The following LVRN variants were observed in gnomAD, a reference collection of about 807,000 sequenced individuals.
LVRN encodes the protein laeverin, also known as aminopeptidase Q.
In LVRN, 99 loss-of-function variants were observed where a neutral mutation model predicts 111.4. That is an observed-to-expected ratio of 0.89 (90% confidence interval 0.76 to 1.05). The LOEUF is 1.05. Ranked by LOEUF, LVRN falls within the 50% of genes least tolerant of loss-of-function variation. The pLI is 0.00. For synonymous variants in LVRN, 488 were observed against 449.5 expected (o/e 1.09, Z -1.08); for missense variants, 1,414 against 1,206.8 (o/e 1.17, Z -2.54).
At chr5:116,004,278 A>T (rs1340952797) in intron 12 of LVRN, among the ~76,000 whole-genome samples, 1 of 152,260 alleles carries the variant, frequency 6.6e-6, no homozygotes, top group Non-Finnish European at 1.5e-5. Context: ...AATGTTGGCC[A>T]GCTCTAATCA....
chr5:115,972,716 T>G (rs1394025567), intron 1 of LVRN, among the ~76,000 whole-genome samples: 1 of 152,066 alleles, frequency 6.6e-6, no homozygotes, highest in Admixed American at 6.5e-5. Flanking sequence ...TTATTAATTA[T>G]GATTTTTCCT....
chr5:116,019,188 C>T (rs973761034), intron 18 of LVRN, among the ~76,000 whole-genome samples: 6 of 152,080 alleles, frequency 3.9e-5, no homozygotes, highest in Non-Finnish European at 4.4e-5. Context: ...AGTAACACAG[C>T]GACAAGTATT....
In LVRN at chr5:116,022,231, A is replaced by G. The variant is rs1184935367; in HGVS notation, c.2757-160A>G. ...TTCCTTAGTGTTAATAGGATTCTCT[A>G]TTAAAAGATGAAGCTAAACTAGTTC... On this transcript the variant is annotated intron_variant, in intron 18 of 19. Transcript: ENST00000357872. 1.6e-5 allele frequency: 9 copies of G among 567,228 alleles called. No individual in the cohort carries two copies. The East Asian group carries it at 2.9e-4, about 18-fold the overall frequency. The allele number at this position is 567,228 out of a possible 1,614,324, so 35.1% of individuals were successfully genotyped here.
intron 18 of LVRN, chr5:116,021,006 G>C (rs1398687250): frequency 1.3e-5 from 2 of 152,200 alleles, no homozygotes; most frequent in Admixed American, 6.5e-5. Context: ...ATTTGAAAGA[G>C]ATTGCTCTCT....
intron 19 of LVRN, among the ~76,000 whole-genome samples, chr5:116,022,799 A>G (rs998737729): frequency 6.6e-6 from 1 of 152,148 alleles, no homozygotes; most frequent in Non-Finnish European, 1.5e-5. Context: ...AGCTTTTCAT[A>G]GCTTTTCAAA....
chr5:116,004,700 A>G (rs978496299), intron 12 of LVRN, among the ~76,000 whole-genome samples: 1 of 152,176 alleles, frequency 6.6e-6, no homozygotes, highest in South Asian at 2.1e-4. Context: ...CCTAACAGAA[A>G]GATCAACCAT....
Position 116,006,049 on chromosome 5 carries a change from G to T in LVRN, c.2093+82G>T, listed in dbSNP as rs922437757. On this transcript the variant is annotated intron_variant, in intron 13 of 19. Transcript: ENST00000357872. ...ATAATAGCTTCATCACTATGAATTT[G>T]ATTATTTAGTCTATACAGGCCATAA... The T allele has an allele frequency of 2.2e-5, 26 of 1,186,080 alleles. No individual in the cohort carries two copies. The African/African-American group carries it at 3.5e-4, about 16-fold the overall frequency. The allele number at this position is 1,186,080 out of a possible 1,614,324, so 73.5% of individuals were successfully genotyped here.
At position 116,000,766 on chromosome 5, in the gene LVRN, C is replaced by T. The variant is rs1279166362; in HGVS notation, c.1647+108C>T. On this transcript the variant is annotated intron_variant, in intron 9 of 19. Coordinates refer to ENST00000357872, the MANE Select transcript of LVRN (RefSeq NM_173800.5). ...CAGTTCCACAGGAAAACAGCTTTGT[C>T]TTGTTGTAGAACTCCCTTAGGTCAT... 7.3e-6 allele frequency: 9 copies of T among 1,239,776 alleles called. No individual in the cohort carries two copies. In the African/African-American group the frequency reaches 1.4e-4, roughly 19 times the overall value. 76.8% of individuals were successfully genotyped at this position (1,239,776 alleles called of 1,614,324 possible). A position where few individuals can be genotyped will look rare whatever the true frequency, so the allele number is the denominator to read the frequency against.
At chr5:115,991,307 T>G (rs1478664007) in intron 4 of LVRN, among the ~76,000 whole-genome samples, 1 of 152,212 alleles carries the variant, frequency 6.6e-6, no homozygotes, top group Non-Finnish European at 1.5e-5. Flanking sequence ...AGTATGTAGC[T>G]TTCCCAGACC....
intron 1 of LVRN, 49 bp from the exon 2 acceptor site, chr5:115,983,238 A>C (rs1045756400): frequency 4.7e-6 from 7 of 1,477,022 alleles, no homozygotes; most frequent in Non-Finnish European, 6.3e-6. Context: ...TTTTTATTCC[A>C]CTGGGTTGAA....
At position 116,026,083 on chromosome 5, in the gene LVRN, G is replaced by T. The variant is rs1385793460; in HGVS notation, c.2938G>T (p.Ala980Ser). The change falls in exon 20 of 20, where the codon GCC (alanine) becomes TCC (serine). Residue 980 changes from alanine to serine, a missense_variant. Ala to Ser is a moderately conservative substitution (Grantham distance 99). Coordinates refer to ENST00000357872, the MANE Select transcript of LVRN (RefSeq NM_173800.5). ...NENLKNKKLS[A>S]RIAAWLRRNT Reference sequence around the variant, plus strand: ...AAATCTGAAAAACAAGAAGCTAAGTGCCAGGATAGCTGCGTGGCTAAGGAG... The same window carrying T: ...AAATCTGAAAAACAAGAAGCTAAGTTCCAGGATAGCTGCGTGGCTAAGGAG... The T allele has an allele frequency of 1.9e-6, 3 of 1,613,746 alleles. No homozygotes were observed. Among genetic ancestry groups the T allele is most frequent in the South Asian group, 1.1e-5 (1 of 91,072 alleles).
rs189554162 is a variant in LVRN at position 116,004,619 on chromosome 5, A to G, written c.2037+1239A>G. On this transcript the variant is annotated intron_variant, in intron 12 of 19. Transcript: ENST00000357872. Reference sequence around the variant, plus strand: ...ATCTCCCCTTTCTAAGAATATGGGGAAAAAAAACCCCCAAAAAACTCCCTT... The same window carrying G: ...ATCTCCCCTTTCTAAGAATATGGGGGAAAAAAACCCCCAAAAAACTCCCTT... Among the ~76,000 whole-genome samples the G allele has an allele frequency of 4.9e-3, 740 of 152,004 alleles. 2 individuals carry two copies. The highest frequency in any genetic ancestry group is 6.8e-3 in the Middle Eastern group (2 of 294).
intron 3 of LVRN, 146 bp downstream of exon 3, chr5:115,984,855 G>A (rs937155212): frequency 1.8e-6 from 2 of 1,139,532 alleles, no homozygotes; most frequent in East Asian, 2.6e-5. Context: ...TTCTTAGTGT[G>A]GCTTTGCAGA....
At chr5:115,976,906 T>G (rs999342384) in intron 1 of LVRN, among the ~76,000 whole-genome samples, 5 of 152,186 alleles carry the variant, frequency 3.3e-5, no homozygotes, top group Non-Finnish European at 7.4e-5. Flanking sequence ...TTAAGCTCTT[T>G]GAGAGTGACT....
chr5:116,003,569 TTTTTTTTTG>T (rs1748287099), intron 12 of LVRN, among the ~76,000 whole-genome samples, 189 bp downstream of exon 12: 1 of 121,072 alleles, frequency 8.3e-6, no homozygotes. Context: ...GTCTGTGTGG[TTTTTTTTTG>T]TTTTTTTTGT....
Position 115,983,421 on chromosome 5 carries a change from C to T in LVRN, c.830C>T (p.Pro277Leu), listed in dbSNP as rs1240709177. The change falls in exon 2 of 20, where the codon CCA (proline) becomes CTA (leucine). Residue 277 changes from proline to leucine, a missense_variant. Coordinates refer to ENST00000357872, the MANE Select transcript of LVRN (RefSeq NM_173800.5). ...HPSYVALSNMPKLGQSEKEDV... is the reference protein window; with the variant it reads ...HPSYVALSNMLKLGQSEKEDV... ...AGTTATGTGGCCCTTTCCAACATGC[C>T]AAAGCTAGGTAAGTAATGCTTTCTG... 3 of 1,599,100 alleles carry T rather than the reference C, an allele frequency of 1.9e-6. No individual in the cohort carries two copies. The Admixed American group carries it at 5.3e-5, about 28-fold the overall frequency.
chr5:115,989,502 T>C (rs1327307265), intron 4 of LVRN, among the ~76,000 whole-genome samples: 1 of 152,090 alleles, frequency 6.6e-6, no homozygotes, highest in Non-Finnish European at 1.5e-5. Flanking sequence ...TATTCCACCA[T>C]CTGAACTCTT....
intron 18 of LVRN, among the ~76,000 whole-genome samples, chr5:116,016,757 T>C (rs79800767): frequency 0.013 from 2,008 of 152,264 alleles, 35 homozygotes; most frequent in African/African-American, 0.044. Context: ...GCTTGGGATA[T>C]GCTGATGTAA....
At chr5:116,003,814 C>T (rs940139993) in intron 12 of LVRN, among the ~76,000 whole-genome samples, 3 of 152,144 alleles carry the variant, frequency 2.0e-5, no homozygotes, top group Non-Finnish European at 4.4e-5. Context: ...ATCTCCTGAC[C>T]TGGTGATCCA....
Sources: allele counts gnomAD v4.1 joint callset (sites outside exome capture counted in the v4.1 genomes callset), GRCh38; gene constraint gnomAD v4.1.1; transcripts MANE v1.5; gene names NCBI Gene and HGNC (gene_info 2026-07-23, HGNC 2026-07-21).